Variants in CADM2 observed in about 807,000 individuals in gnomAD.
CADM2 encodes the protein cell adhesion molecule 2.
CADM2 carries 12 observed loss-of-function variants against 49.8 expected under a neutral mutation model. The ratio of observed to expected loss-of-function variants is 0.24; its 90% CI spans 0.15 to 0.39. The LOEUF is 0.39. CADM2 is among the 10% of genes least tolerant of loss of function. The probability of loss-of-function intolerance (pLI) is 1.00; values close to 1 mark genes in which losing one functional copy is unlikely to be tolerated. For missense variants in CADM2, 378 were observed against 492.3 expected (o/e 0.77, Z 2.20); for synonymous variants, 214 against 175.4 (o/e 1.22, Z -1.74).
In CADM2 at chr3:85,308,044, T is replaced by C. The variant is rs551823166; in HGVS notation, c.61+348376T>C. Among the ~76,000 whole-genome samples, 114 of 151,834 alleles carry C rather than the reference T, an allele frequency of 7.5e-4. 1 individual carries two copies. Among genetic ancestry groups the C allele is most frequent in the African/African-American group, 2.7e-3 (112 of 41,526 alleles). On this transcript the variant is annotated intron_variant, in intron 1 of 9. Coordinates refer to ENST00000383699, the MANE Select transcript of CADM2 (RefSeq NM_001167675.2). Reference sequence around the variant, plus strand: ...TGCAACGTTTATAAATTTCTTACTGTCATATATCTTAAAGCCATCAGACAG... The same window carrying C: ...TGCAACGTTTATAAATTTCTTACTGCCATATATCTTAAAGCCATCAGACAG...
At chr3:85,696,268 A>C (rs1438490569) in intron 1 of CADM2, among the ~76,000 whole-genome samples, 1 of 152,066 alleles carries the variant, frequency 6.6e-6, no homozygotes, top group African/African-American at 2.4e-5. Context: ...TTTTTAGTTT[A>C]ATTAAGTCCC....
intron 1 of CADM2, among the ~76,000 whole-genome samples, chr3:85,484,844 A>T (rs2039353002): frequency 6.6e-6 from 1 of 151,982 alleles, no homozygotes; most frequent in African/African-American, 2.4e-5. Context: ...TTTTATAAAC[A>T]CAAATTTAAC....
Position 85,738,030 on chromosome 3 carries a change from T to C in CADM2, c.88+11482T>C, listed in dbSNP as rs544190968. Among the ~76,000 whole-genome samples the C allele has an allele frequency of 7.2e-5, 11 of 152,278 alleles. No individual in the cohort carries two copies. The South Asian group carries it at 2.3e-3, about 32-fold the overall frequency. On this transcript the variant is annotated intron_variant, in intron 2 of 9. Coordinates refer to ENST00000383699, the MANE Select transcript of CADM2 (RefSeq NM_001167675.2). ...ATGCTGTCTAGAGACAAGGCAGGAATGCTATTTGGCCTGAACAATCACCAA... is the reference window on the plus strand; with the variant it reads ...ATGCTGTCTAGAGACAAGGCAGGAACGCTATTTGGCCTGAACAATCACCAA...
chr3:85,367,580 A>C (rs1233954882), intron 1 of CADM2, among the ~76,000 whole-genome samples: 1 of 151,798 alleles, frequency 6.6e-6, no homozygotes, highest in East Asian at 1.9e-4. Flanking sequence ...ATATTTACTT[A>C]ATGGGTTAAT....
intron 7 of CADM2, among the ~76,000 whole-genome samples, chr3:85,957,463 A>C (rs1027672617): frequency 1.3e-5 from 2 of 151,790 alleles, no homozygotes; most frequent in African/African-American, 4.8e-5. Context: ...ACAGAAAAAA[A>C]CAAACTGTTT....
At chr3:86,047,023 A>G (rs1364657836) in intron 8 of CADM2, among the ~76,000 whole-genome samples, 1 of 152,004 alleles carries the variant, frequency 6.6e-6, no homozygotes, top group African/African-American at 2.4e-5. Flanking sequence ...TTTATCTAGT[A>G]TCGTAATTTG....
At chr3:85,343,587 TTC>T (rs368318748) in intron 1 of CADM2, among the ~76,000 whole-genome samples, 67 of 152,310 alleles carry the variant, frequency 4.4e-4, no homozygotes, top group African/African-American at 1.6e-3. Flanking sequence ...CCAAACAGCA[TTC>T]TCTGTTTCTA....
At chr3:85,952,742 G>C (rs1320570755) in intron 7 of CADM2, among the ~76,000 whole-genome samples, 2 of 150,618 alleles carry the variant, frequency 1.3e-5, no homozygotes, top group African/African-American at 4.8e-5. Context: ...CTTTTTCAGG[G>C]CTCTTTTATT....
chr3:85,452,507 AT>A (rs2107570866), intron 1 of CADM2, among the ~76,000 whole-genome samples: 1 of 152,208 alleles, frequency 6.6e-6, no homozygotes, highest in Admixed American at 6.5e-5. Context: ...ATATCTATTA[AT>A]TTATTGCATG....
At chr3:85,570,818 TA>T (rs1322761074) in intron 1 of CADM2, among the ~76,000 whole-genome samples, 3 of 152,206 alleles carry the variant, frequency 2.0e-5, no homozygotes, top group African/African-American at 7.2e-5. Flanking sequence ...CTTGGTAATT[TA>T]TCTTCTACAC....
rs187176686 is a variant in CADM2 at position 85,477,160 on chromosome 3, T to C, written c.62-249362T>C. On this transcript the variant is annotated intron_variant, in intron 1 of 9. Transcript: ENST00000383699. ...ACCTCGAGAGGCAAGAATACCACAC[T>C]GTCAAAAAACCATCTGTTTCTTTTT... 1.6e-3 allele frequency among the ~76,000 whole-genome samples: 243 copies of C among 151,260 alleles called. 1 individual carries two copies. Among genetic ancestry groups the C allele is most frequent in the Admixed American group, 7.2e-3 (109 of 15,092 alleles).
intron 1 of CADM2, among the ~76,000 whole-genome samples, chr3:85,284,142 A>G (rs899407676): frequency 2.0e-5 from 3 of 152,202 alleles, no homozygotes; most frequent in Non-Finnish European, 4.4e-5. Flanking sequence ...GTAAAAATTA[A>G]CAAAATGTTC....
At chr3:85,377,154 C>T (rs1360815066) in intron 1 of CADM2, among the ~76,000 whole-genome samples, 1 of 152,038 alleles carries the variant, frequency 6.6e-6, no homozygotes, top group South Asian at 2.1e-4. Flanking sequence ...TAGCAATATA[C>T]ATATTTATGC....
chr3:86,055,451 C>CTTT lies in CADM2; in HGVS notation c.971-10128_971-10126dup, dbSNP rs57606781. Among the ~76,000 whole-genome samples, 51 of 87,488 alleles carry CTTT rather than the reference C, an allele frequency of 5.8e-4. 1 individual carries two copies. Among genetic ancestry groups the CTTT allele is most frequent in the African/African-American group, 1.2e-3 (29 of 23,536 alleles). The allele number at this position is 87,488 out of a possible 152,430, so 57.4% of individuals were successfully genotyped here. On this transcript the variant is annotated intron_variant, in intron 8 of 9. Transcript: ENST00000383699. ...AGCAATGCAACTCTGGGCATCCCCT[C>CTTT]TTTTTTTTTTTTTTTTTTTTTTTTT...
Position 86,067,426 on chromosome 3 carries a change from G to C in CADM2, c.*643G>C, listed in dbSNP as rs575862079. On this transcript the variant is annotated 3_prime_UTR_variant, in exon 10 of 10. Coordinates refer to ENST00000383699, the MANE Select transcript of CADM2 (RefSeq NM_001167675.2). ...TATTTGATACAGGAGCCATGTGTAC[G>C]AATTGCAATCATGACATGGTATTTT... is the stretch of plus-strand genomic sequence containing the variant. 1.3e-5 allele frequency: 2 copies of C among 152,492 alleles called. No homozygotes were observed. The highest frequency in any genetic ancestry group is 2.9e-5 in the Non-Finnish European group (2 of 67,968). The allele number at this position is 152,492 out of a possible 1,614,324, so 9.4% of individuals were successfully genotyped here.
At chr3:85,855,514 ATTAT>A (rs1371756132) in intron 3 of CADM2, among the ~76,000 whole-genome samples, 4 of 149,966 alleles carry the variant, frequency 2.7e-5, no homozygotes, top group African/African-American at 9.7e-5. Context: ...TTTACAAAGT[ATTAT>A]TTATTTCAGT....
In CADM2 at chr3:85,149,530, T is replaced by A. The variant is rs2039855889; in HGVS notation, c.61+189862T>A. Reference sequence around the variant, plus strand: ...TCATGAGGTCTGGAGATCGAGACCATCCTGGCTAACAGGGTGAAACCCCGT... The same window carrying A: ...TCATGAGGTCTGGAGATCGAGACCAACCTGGCTAACAGGGTGAAACCCCGT... On this transcript the variant is annotated intron_variant, in intron 1 of 9. Transcript: ENST00000383699. Among the ~76,000 whole-genome samples the A allele has an allele frequency of 3.3e-5, 5 of 151,970 alleles. No individual in the cohort carries two copies. The South Asian group carries it at 1.0e-3, about 32-fold the overall frequency.
At chr3:85,834,083 C>T (rs1390724284) in intron 3 of CADM2, among the ~76,000 whole-genome samples, 1 of 151,534 alleles carries the variant, frequency 6.6e-6, no homozygotes, top group East Asian at 1.9e-4. Flanking sequence ...AATCTCTAAT[C>T]TATTAAGACA....
intron 6 of CADM2, among the ~76,000 whole-genome samples, chr3:85,927,411 G>A (rs569007944): frequency 7.9e-5 from 12 of 152,138 alleles, no homozygotes; most frequent in South Asian, 2.1e-4. Context: ...TTGAGGGACC[G>A]CAATATGAAT....
Sources: allele counts gnomAD v4.1 joint callset (sites outside exome capture counted in the v4.1 genomes callset), GRCh38; gene constraint gnomAD v4.1.1; transcripts MANE v1.5; gene names NCBI Gene and HGNC (gene_info 2026-07-23, HGNC 2026-07-21).